PLCXD3: variants seen among roughly 807,000 people sequenced by gnomAD.
The protein encoded by PLCXD3 is PI-PLC X domain-containing protein 3.
A neutral mutation model predicts 25.5 loss-of-function variants in PLCXD3; 19 were observed. The observed-to-expected ratio is 0.75, with a 90% CI of 0.52 to 1.09. PLCXD3 has a LOEUF of 1.09. Ranked by LOEUF, PLCXD3 falls within the 50% of genes least tolerant of loss-of-function variation. PLCXD3 has a pLI of 0.00. For missense variants in PLCXD3, 411 were observed against 388.1 expected, an observed-to-expected ratio of 1.06 and a Z score of -0.50; for synonymous variants, 174 against 137.6, an observed-to-expected ratio of 1.26 and a Z score of -1.85.
chr5:41,460,691 C>T (rs778675613), intron 1 of PLCXD3, among the ~76,000 whole-genome samples: 16 of 152,024 alleles, frequency 1.1e-4, no homozygotes, highest in Non-Finnish European at 2.2e-4. Context: ...CTTTTTACAA[C>T]GTCATTATGA....
In PLCXD3 at chr5:41,497,514, A is replaced by G. The variant is rs186531749; in HGVS notation, c.103+12910T>C. 2.1e-3 allele frequency among the ~76,000 whole-genome samples: 312 copies of G among 151,932 alleles called. 1 individual carries two copies. The highest frequency in any genetic ancestry group is 7.0e-3 in the African/African-American group (289 of 41,558). On this transcript the variant is annotated intron_variant, in intron 1 of 2. Coordinates refer to ENST00000377801, the MANE Select transcript of PLCXD3 (RefSeq NM_001005473.3). ...GCAATTATAAATATATGCACACCCA[A>G]TATCAGAACACCCAAATATATAAAG...
intron 2 of PLCXD3, among the ~76,000 whole-genome samples, chr5:41,368,908 A>G (rs1745014216): frequency 6.6e-6 from 1 of 152,198 alleles, no homozygotes; most frequent in African/African-American, 2.4e-5. Context: ...CTTTCTATAA[A>G]CAACCCGCAT....
rs112304828 is a variant in PLCXD3 at position 41,346,910 on chromosome 5, C to T, written c.813-33140G>A. ...CAACTACCGAAGTACATCTTGTTTG[C>T]TTCATCTTCGTTCCTTCTAAGTTTT... On this transcript the variant is annotated intron_variant, in intron 2 of 2. Transcript: ENST00000377801. Among the ~76,000 whole-genome samples, 1,211 of 152,266 alleles carry T rather than the reference C, an allele frequency of 8.0e-3. 18 individuals are homozygous for T. Among genetic ancestry groups the T allele is most frequent in the African/African-American group, 0.028 (1,164 of 41,548 alleles).
chr5:41,394,955 A>G (rs1383597938), intron 1 of PLCXD3, among the ~76,000 whole-genome samples: 1 of 152,166 alleles, frequency 6.6e-6, no homozygotes, highest in Non-Finnish European at 1.5e-5. Flanking sequence ...GTTGGACTTC[A>G]TCTGCATCAT....
intron 2 of PLCXD3, among the ~76,000 whole-genome samples, chr5:41,366,621 TGCCCAA>T (rs1413889979): frequency 4.6e-5 from 7 of 152,196 alleles, no homozygotes; most frequent in Non-Finnish European, 8.8e-5. Context: ...AACACATATA[TGCCCAA>T]GCACACATCA....
intron 2 of PLCXD3, among the ~76,000 whole-genome samples, chr5:41,316,572 G>C (rs1014776060): frequency 6.6e-6 from 1 of 152,192 alleles, no homozygotes; most frequent in Non-Finnish European, 1.5e-5. Context: ...CCCGATTCCA[G>C]GACTTCACTG....
At chr5:41,387,579 A>G (rs1397968743) in intron 1 of PLCXD3, among the ~76,000 whole-genome samples, 1 of 152,116 alleles carries the variant, frequency 6.6e-6, no homozygotes, top group Non-Finnish European at 1.5e-5. Context: ...AGGCAATTAC[A>G]TCATTCTGAT....
chr5:41,490,451 A>C (rs1748637047), intron 1 of PLCXD3, among the ~76,000 whole-genome samples: 1 of 152,126 alleles, frequency 6.6e-6, no homozygotes, highest in Non-Finnish European at 1.5e-5. Context: ...TGGCCTCATA[A>C]AATGAGTTAG....
chr5:41,397,435 G>A (rs1204475158), intron 1 of PLCXD3, among the ~76,000 whole-genome samples: 1 of 152,224 alleles, frequency 6.6e-6, no homozygotes, highest in African/African-American at 2.4e-5. Context: ...AGGTTTGGAA[G>A]CCTCTGCCTA....
At position 41,382,164 on chromosome 5, in the gene PLCXD3, C is replaced by A; in HGVS notation, c.474G>T (p.Leu158=). ...YGMQKYHHEK[L]VQMLKDIYGN... Reference sequence around the variant, plus strand: ...CATAGATGTCTTTCAGCATTTGGACCAGTTTTTCATGGTGATATTTCTGCA... The same window carrying A: ...CATAGATGTCTTTCAGCATTTGGACAAGTTTTTCATGGTGATATTTCTGCA... Residue 158 remains leucine, a synonymous_variant, in exon 2 of 3, where the codon CTG becomes CTT. Coordinates refer to ENST00000377801, the MANE Select transcript of PLCXD3 (RefSeq NM_001005473.3). 6.2e-7 allele frequency: 1 copy of A among 1,613,656 alleles called. No individual in the cohort carries two copies. Among genetic ancestry groups the A allele is most frequent in the South Asian group, 1.1e-5 (1 of 91,060 alleles).
intron 1 of PLCXD3, among the ~76,000 whole-genome samples, chr5:41,443,869 T>A (rs1469633901): frequency 6.6e-6 from 1 of 152,256 alleles, no homozygotes; most frequent in African/African-American, 2.4e-5. Flanking sequence ...TGAGATTCTG[T>A]ATATACTGTT....
intron 1 of PLCXD3, among the ~76,000 whole-genome samples, chr5:41,407,120 G>A (rs553665576): frequency 2.6e-4 from 40 of 151,858 alleles, no homozygotes; most frequent in African/African-American, 8.7e-4. Context: ...CCCTAAGCAT[G>A]GCCCTTTGTG....
intron 1 of PLCXD3, 151 bp from the exon 2 acceptor site, chr5:41,382,685 G>C: frequency 1.7e-6 from 1 of 582,940 alleles, no homozygotes; most frequent in African/African-American, 1.9e-5. Context: ...GCCTTAGGAG[G>C]GTCCTTTATA....
At chr5:41,348,415 G>A (rs1373944250) in intron 2 of PLCXD3, among the ~76,000 whole-genome samples, 1 of 152,074 alleles carries the variant, frequency 6.6e-6, no homozygotes, top group Non-Finnish European at 1.5e-5. Flanking sequence ...CATGAGAGTA[G>A]GATTTTGAAT....
rs1048858223 is a variant in PLCXD3, at chr5:41,309,627, A to T, written c.*3990T>A. 1 of 152,166 alleles carries T rather than the reference A, an allele frequency of 6.6e-6. No homozygotes were observed. The highest frequency in any genetic ancestry group is 1.5e-5 in the Non-Finnish European group (1 of 68,010). The allele number at this position is 152,166 out of a possible 1,614,324, so 9.4% of individuals were successfully genotyped here. On this transcript the variant is annotated 3_prime_UTR_variant, in exon 3 of 3. Transcript: ENST00000377801. The stretch of plus-strand genomic sequence containing the variant: ...GAGACTTCCAACTTTCCAGTCTGGA[A>T]TCCTAACAAGGAAGAACCTGAACAA...
intron 1 of PLCXD3, among the ~76,000 whole-genome samples, chr5:41,442,260 C>CA (rs1443627399): frequency 6.6e-6 from 1 of 152,142 alleles, no homozygotes; most frequent in African/African-American, 2.4e-5. Flanking sequence ...GACAAGGAGG[C>CA]AAAAACACAA....
intron 2 of PLCXD3, among the ~76,000 whole-genome samples, chr5:41,332,239 A>G (rs1264017819): frequency 1.3e-5 from 2 of 152,110 alleles, no homozygotes; most frequent in Admixed American, 1.3e-4. Context: ...ACTCCAACAA[A>G]TTTACAAGAA....
chr5:41,326,159 T>C (rs549246248), intron 2 of PLCXD3, among the ~76,000 whole-genome samples: 1 of 152,290 alleles, frequency 6.6e-6, no homozygotes, highest in South Asian at 2.1e-4. Flanking sequence ...GTCACCTATC[T>C]TTCTATCCCT....
intron 1 of PLCXD3, among the ~76,000 whole-genome samples, chr5:41,384,042 C>A (rs1192021195): frequency 6.6e-6 from 1 of 151,960 alleles, no homozygotes; most frequent in African/African-American, 2.4e-5. Context: ...TATTTTGATA[C>A]CCTGAAAATC....
Sources: allele counts gnomAD v4.1 joint callset (sites outside exome capture counted in the v4.1 genomes callset), GRCh38; gene constraint gnomAD v4.1.1; transcripts MANE v1.5; gene names NCBI Gene and HGNC (gene_info 2026-07-23, HGNC 2026-07-21).